WDR27: variants seen among roughly 807,000 people sequenced by gnomAD.
WDR27 encodes WD repeat-containing protein 27.
Under a neutral mutation model 114.4 loss-of-function variants are expected in WDR27, and 100 were observed. The ratio of observed to expected loss-of-function variants is 0.87; its 90% CI spans 0.74 to 1.03. WDR27 has a LOEUF of 1.03. Among genes scored for constraint, WDR27 ranks in the 50% least tolerant of loss-of-function variants. WDR27 has a pLI of 0.00. For synonymous variants in WDR27, 449 were observed against 423.1 expected (o/e 1.06, Z -0.75); for missense variants, 1,129 against 1,092.9 (o/e 1.03, Z -0.47).
chr6:169,467,875 A>G (rs1009128929), intron 25 of WDR27, among the ~76,000 whole-genome samples: 1 of 152,230 alleles, frequency 6.6e-6, no homozygotes, highest in Non-Finnish European at 1.5e-5. Flanking sequence ...AATTTTCTGA[A>G]CTTTTATGCT....
intron 9 of WDR27, among the ~76,000 whole-genome samples, chr6:169,661,987 G>A (rs73790087): frequency 0.16 from 23,862 of 152,242 alleles, 1,968 homozygotes; most frequent in Middle Eastern, 0.22. Context: ...CGGTAGATGG[G>A]AAAGTCTAGG....
At chr6:169,541,809 A>G (rs1230269821) in intron 25 of WDR27, among the ~76,000 whole-genome samples, 1 of 152,238 alleles carries the variant, frequency 6.6e-6, no homozygotes, top group East Asian at 1.9e-4. Flanking sequence ...AGACTTAAAA[A>G]ATTCTAATGT....
At chr6:169,543,240 T>C (rs1475366932) in intron 25 of WDR27, among the ~76,000 whole-genome samples, 1 of 152,082 alleles carries the variant, frequency 6.6e-6, no homozygotes, top group Non-Finnish European at 1.5e-5. Flanking sequence ...GAAAATGCAA[T>C]GAACAACTTT....
At chr6:169,491,362 C>G (rs540810256) in intron 25 of WDR27, among the ~76,000 whole-genome samples, 1 of 152,188 alleles carries the variant, frequency 6.6e-6, no homozygotes, top group African/African-American at 2.4e-5. Flanking sequence ...TTTTTGTTAA[C>G]TATATCTGAA....
intron 25 of WDR27, among the ~76,000 whole-genome samples, chr6:169,477,133 T>C (rs1025223937): frequency 1.3e-5 from 2 of 152,370 alleles, no homozygotes; most frequent in Middle Eastern, 3.4e-3. Context: ...ATCAAAGTAG[T>C]GAATCAAGTC....
intron 25 of WDR27, among the ~76,000 whole-genome samples, chr6:169,474,454 G>T (rs1262365796): frequency 6.6e-6 from 1 of 152,154 alleles, no homozygotes; most frequent in Non-Finnish European, 1.5e-5. Context: ...AAAAGAAAAA[G>T]ACATTAGTTA....
intron 10 of WDR27, 92 bp downstream of exon 10, chr6:169,660,571 G>T: frequency 1.9e-6 from 2 of 1,041,684 alleles, no homozygotes; most frequent in East Asian, 2.4e-5. Flanking sequence ...AGATTCACAC[G>T]GCAAGGCCTT....
At position 169,550,414 on chromosome 6, in the gene WDR27, A is replaced by ATTAC. The variant is rs1554287246; in HGVS notation, c.2645+22004_2645+22005insGTAA. 7.2e-5 allele frequency among the ~76,000 whole-genome samples: 11 copies of ATTAC among 151,840 alleles called. 1 individual carries two copies. The highest frequency in any genetic ancestry group is 2.7e-4 in the African/African-American group (11 of 41,452). ...TATTTTTATTGTTATTGTATTTTAT[A>ATTAC]TTATTTATTTATTTATTTATTTTGA... On this transcript the variant is annotated intron_variant, in intron 25 of 25. Coordinates refer to ENST00000448612, the MANE Select transcript of WDR27 (RefSeq NM_182552.5).
chr6:169,481,640 T>C (rs999500972), intron 25 of WDR27, among the ~76,000 whole-genome samples: 2 of 152,010 alleles, frequency 1.3e-5, no homozygotes, highest in African/African-American at 4.8e-5. Context: ...GCACTGCCTT[T>C]ATGAGCTGTA....
At chr6:169,606,475 G>A (rs979787569) in intron 22 of WDR27, among the ~76,000 whole-genome samples, 3 of 152,008 alleles carry the variant, frequency 2.0e-5, no homozygotes, top group Admixed American at 1.3e-4. Flanking sequence ...TCCTTACTCC[G>A]CTGACAGGCC....
chr6:169,480,391 C>T (rs1378045602), intron 25 of WDR27, among the ~76,000 whole-genome samples: 5 of 152,344 alleles, frequency 3.3e-5, no homozygotes, highest in African/African-American at 1.2e-4. Flanking sequence ...CTGCAGCACC[C>T]GGTCCTGTCG....
At chr6:169,627,634 G>A (rs9478079) in intron 21 of WDR27, among the ~76,000 whole-genome samples, 1,592 of 152,322 alleles carry the variant, frequency 0.01, 8 homozygotes, top group Non-Finnish European at 0.017. Flanking sequence ...TGCTGTGCAC[G>A]GGGAGCCTCC....
At chr6:169,452,477 G>C (rs901922463), downstream of WDR27, among the ~76,000 whole-genome samples, 26 of 152,246 alleles carry the variant, frequency 1.7e-4, no homozygotes, top group African/African-American at 6.3e-4. Flanking sequence ...AGCCGAGGCG[G>C]GACGCAGCCC....
intron 25 of WDR27, among the ~76,000 whole-genome samples, chr6:169,541,555 A>C (rs1332516055): frequency 1.3e-5 from 2 of 152,328 alleles, no homozygotes; most frequent in African/African-American, 4.8e-5. Context: ...GCCATAGAAA[A>C]GTAGCTTTAA....
intron 25 of WDR27, among the ~76,000 whole-genome samples, chr6:169,550,738 C>G (rs1355867988): frequency 1.4e-5 from 2 of 146,912 alleles, no homozygotes; most frequent in Non-Finnish European, 3.0e-5. Context: ...ATTTTTGAGA[C>G]AGGGTCTTTC....
chr6:169,440,761 C>A, the WDR27 span, among the ~76,000 whole-genome samples: 7 of 152,022 alleles, frequency 4.6e-5, no homozygotes, highest in African/African-American at 1.7e-4. Context: ...TTGGCAATAC[C>A]CCCAAGACAA....
the WDR27 span, among the ~76,000 whole-genome samples, chr6:169,441,572 G>T: frequency 1.3e-5 from 2 of 152,104 alleles, no homozygotes; most frequent in East Asian, 1.9e-4. Context: ...CCAGCCAGCT[G>T]CCAGGTCACT....
intron 22 of WDR27, among the ~76,000 whole-genome samples, chr6:169,603,550 A>C (rs1808485843): frequency 6.6e-6 from 1 of 152,220 alleles, no homozygotes; most frequent in African/African-American, 2.4e-5. Flanking sequence ...CCTTTAACAA[A>C]GTAGAGATGC....
intron 23 of WDR27, among the ~76,000 whole-genome samples, chr6:169,586,276 G>A (rs947522753): frequency 1.3e-5 from 2 of 152,214 alleles, no homozygotes; most frequent in African/African-American, 4.8e-5. Context: ...ACTCTGGACA[G>A]TTCTCTCCAG....
Sources: gnomAD v4.1 joint callset for allele counts (sites outside exome capture counted in the v4.1 genomes callset) on GRCh38, gnomAD v4.1.1 for gene constraint, MANE v1.5 for transcripts, NCBI Gene and HGNC (gene_info 2026-07-23, HGNC 2026-07-21) for gene names.